Variants in MAP4K2 observed in about 807,000 individuals in gnomAD.
MAP4K2 encodes mitogen-activated protein kinase kinase kinase kinase 2, also known as B lymphocyte serine/threonine protein kinase.
In MAP4K2, 85 loss-of-function variants were observed where a neutral mutation model predicts 125.3. The ratio of observed to expected loss-of-function variants is 0.68; its 90% CI spans 0.57 to 0.81. The LOEUF (loss-of-function observed/expected upper bound fraction) is 0.81, where lower values mean the gene tolerates loss of function less well. Among genes scored for constraint, MAP4K2 ranks in the 40% least tolerant of loss-of-function variants. MAP4K2 has a pLI of 0.00. For missense variants in MAP4K2, 923 were observed against 1,056.4 expected, an observed-to-expected ratio of 0.87 and a Z score of 1.75; for synonymous variants, 479 against 445.1, an observed-to-expected ratio of 1.08 and a Z score of -0.96.
Position 64,792,416 on chromosome 11 carries a change from A to C in MAP4K2, c.1758T>G (p.Phe586Leu). 6.3e-7 allele frequency: 1 copy of C among 1,584,538 alleles called. No individual in the cohort carries two copies. The highest frequency in any genetic ancestry group is 8.6e-7 in the Non-Finnish European group (1 of 1,164,990). Residue 586 changes from phenylalanine (F) to leucine (L), a missense_variant, in exon 25 of 32, where the codon TTT (phenylalanine) becomes TTG (leucine). Phe to Leu is a conservative substitution (Grantham distance 22). This residue lies in a region of MAP4K2 where 833 missense variants were observed against 911.4 expected (regional missense o/e 0.91). Transcript: ENST00000294066. Reference sequence around the variant, plus strand: ...TGTCAGGAATCTTGGTGGACAGAGCAAAGCGCCTGTAGGGGTGATAACCAG... The same window carrying C: ...TGTCAGGAATCTTGGTGGACAGAGCCAAGCGCCTGTAGGGGTGATAACCAG... ...RLTQRIIPRR[F>L]ALSTKIPDTK... is the part of the protein sequence containing the mutation.
chr11:64,802,792 A>C, intron 2 of MAP4K2, 93 bp downstream of exon 2: 1 of 1,484,786 alleles, frequency 6.7e-7, no homozygotes, highest in African/African-American at 1.4e-5. Context: ...CACGCCTCTC[A>C]GGGGTCTCGG....
At position 64,797,003 on chromosome 11, in the gene MAP4K2, G is replaced by T. The variant is rs1297694412; in HGVS notation, c.1386C>A (p.Leu462=). 6.2e-7 allele frequency: 1 copy of T among 1,613,910 alleles called. No individual in the cohort carries two copies. The highest frequency in any genetic ancestry group is 2.2e-5 in the East Asian group (1 of 44,878). Residue 462 remains leucine (L), a synonymous_variant, in exon 20 of 32, where the codon CTC becomes CTA. Coordinates refer to ENST00000294066, the MANE Select transcript of MAP4K2 (RefSeq NM_004579.5). ...TTACATGCACCTTGGGAGTTGGGGG[G>T]AGCCCGTGGCAGGATGACCTCTGGG... ...EDPERSSCHG[L]PPTPKVHMGA...
chr11:64,789,530 G>C lies in MAP4K2; in HGVS notation c.*7C>G. On this transcript the variant is annotated 3_prime_UTR_variant, in exon 32 of 32. Transcript: ENST00000294066. Reference sequence around the variant, plus strand: ...GGGCGGGGAGCCCCTGGACAGGCCCGCTGCTCTTAGTAGGTGCTCTGGTGG... The same window carrying C: ...GGGCGGGGAGCCCCTGGACAGGCCCCCTGCTCTTAGTAGGTGCTCTGGTGG... The C allele has an allele frequency of 6.4e-7, 1 of 1,570,500 alleles. No individual in the cohort carries two copies. The highest frequency in any genetic ancestry group is 8.6e-7 in the Non-Finnish European group (1 of 1,157,210).
At chr11:64,798,719 G>A (rs1177968324) in intron 15 of MAP4K2, 75 bp downstream of exon 15, 4 of 1,534,498 alleles carry the variant, frequency 2.6e-6, no homozygotes, top group Admixed American at 3.4e-5. Flanking sequence ...ACAGGCATGA[G>A]CCACCACGCC....
Position 64,792,251 on chromosome 11 carries a change from G to T in MAP4K2, c.1835C>A (p.Thr612Asn). The T allele has an allele frequency of 6.2e-7, 1 of 1,611,280 alleles. No individual in the cohort carries two copies. Among genetic ancestry groups the T allele is most frequent in the Non-Finnish European group, 8.5e-7 (1 of 1,179,332 alleles). ...RVVRNPYTGA[T>N]FLLAALPTSL... ...GGTGGGCAGGGCGGCCAGCAGGAAG[G>T]TGGCACCCGTGTAGGGGTTCCGCAC... The change falls in exon 26 of 32, where the codon ACC becomes AAC. Residue 612 changes from threonine to asparagine, a missense_variant. Physicochemically the swap from Thr to Asn is moderately conservative, Grantham distance 65 (BLOSUM62 0). This residue lies in a region of MAP4K2 where 833 missense variants were observed against 911.4 expected (regional missense o/e 0.91). Coordinates refer to ENST00000294066, the MANE Select transcript of MAP4K2 (RefSeq NM_004579.5).
At position 64,802,888 on chromosome 11, in the gene MAP4K2, G is replaced by C. The variant is rs1248288211; in HGVS notation, c.151C>G (p.Pro51Ala). Residue 51 changes from proline to alanine, a missense_variant, in exon 2 of 32, where the codon CCA becomes GCA. Physicochemically the swap from Pro to Ala is conservative, Grantham distance 27. This residue lies in a region of MAP4K2 where 833 missense variants were observed against 911.4 expected (regional missense o/e 0.91). Transcript: ENST00000294066. ...LAAVKIVKLD[P>A]GDDISSLQQE... ...GAGGCCCGACCCGGGCCCTCACCTG[G>C]GTCTAGCTTGACTATCTTCACGGCG... 2 of 1,601,548 alleles carry C rather than the reference G, an allele frequency of 1.2e-6. No homozygotes were observed. The highest frequency in any genetic ancestry group is 1.1e-5 in the South Asian group (1 of 89,636).
rs551114623 is a variant in MAP4K2, at chr11:64,799,768, G to A, written c.916-85C>T. 1.3e-4 allele frequency: 144 copies of A among 1,138,086 alleles called. 2 individuals carry two copies. Among genetic ancestry groups the A allele is most frequent in the African/African-American group, 8.4e-4 (55 of 65,480 alleles). The allele number at this position is 1,138,086 out of a possible 1,614,324, so 70.5% of individuals were successfully genotyped here. A position where few individuals can be genotyped will look rare whatever the true frequency, so the allele number is the denominator to read the frequency against. On this transcript the variant is annotated intron_variant, in intron 12 of 31. Coordinates refer to ENST00000294066, the MANE Select transcript of MAP4K2 (RefSeq NM_004579.5). ...CTAGGAGCTTCACACGCACCAGTGC[G>A]TTTTGCTTTCATGACAGCCCTCTGG... is the stretch of plus-strand genomic sequence containing the variant.
In MAP4K2 at chr11:64,789,290, A is replaced by G. The variant is rs1592569558; in HGVS notation, c.*247T>C. ...CAGGCCCAGGGTCCCTGCCTTGGGC[A>G]CTAGGGACTGGGCTGCCTCGGGGAT... On this transcript the variant is annotated 3_prime_UTR_variant, in exon 32 of 32. Coordinates refer to ENST00000294066, the MANE Select transcript of MAP4K2 (RefSeq NM_004579.5). 1.3e-5 allele frequency: 7 copies of G among 549,198 alleles called. No individual in the cohort carries two copies. The East Asian group carries it at 2.2e-4, about 17-fold the overall frequency. 34.0% of individuals were successfully genotyped at this position (549,198 alleles called of 1,614,324 possible). A position where few individuals can be genotyped will look rare whatever the true frequency, so the allele number is the denominator to read the frequency against.
At chr11:64,800,517 G>A (rs1489346876) in intron 10 of MAP4K2, 125 bp from the exon 11 acceptor site, 5 of 1,181,644 alleles carry the variant, frequency 4.2e-6, no homozygotes, top group Non-Finnish European at 3.6e-6. Context: ...GCCAGCCGAG[G>A]CCAAGGGCCA....
At position 64,803,124 on chromosome 11, in the gene MAP4K2, A is replaced by G; in HGVS notation, c.26T>C (p.Leu9Pro). Reference protein sequence around the residue: MALLRDVSLQDPRDRFELL... With the variant: MALLRDVSPQDPRDRFELL... ...CTCGAAGCGGTCCCGCGGGTCCTGC[A>G]GCGACACATCCCGCAGCAGCGCCAT... Residue 9 changes from leucine (L) to proline (P), a missense_variant, in exon 1 of 32, where the codon CTG (leucine) becomes CCG (proline). Physicochemically the swap from Leu to Pro is moderately conservative, Grantham distance 98 (BLOSUM62 -3). Around this residue, in one of 2 missense-constraint regions of MAP4K2, gnomAD observed 833 missense variants for 911.4 expected, o/e 0.91. Transcript: ENST00000294066. 1 of 1,573,560 alleles carries G rather than the reference A, an allele frequency of 6.4e-7. No individual in the cohort carries two copies. The highest frequency in any genetic ancestry group is 8.6e-7 in the Non-Finnish European group (1 of 1,168,768).
chr11:64,793,214 C>T (rs1248624630), intron 24 of MAP4K2, among the ~76,000 whole-genome samples: 1 of 61,156 alleles, frequency 1.6e-5, no homozygotes, highest in African/African-American at 3.7e-5. Flanking sequence ...GAAACTCGGT[C>T]TCAAAAAAAA....
chr11:64,799,924 GA>G (rs941456438), intron 12 of MAP4K2, among the ~76,000 whole-genome samples, 184 bp downstream of exon 12: 7 of 152,202 alleles, frequency 4.6e-5, no homozygotes, highest in African/African-American at 1.7e-4. Context: ...CAAGGGCAGG[GA>G]CCTATCAAGG....
At chr11:64,790,050 C>A in intron 29 of MAP4K2, 91 bp from the exon 30 acceptor site, 1 of 1,553,720 alleles carries the variant, frequency 6.4e-7, no homozygotes, top group Non-Finnish European at 8.8e-7. Context: ...GGGGTCCTCA[C>A]TGACCTCAGG....
chr11:64,802,745 C>T (rs1241261046), intron 2 of MAP4K2, 92 bp from the exon 3 acceptor site: 2 of 1,477,214 alleles, frequency 1.4e-6, no homozygotes, highest in Admixed American at 1.9e-5. Flanking sequence ...TGCCTCCCTC[C>T]GGGCCAGGCA....
intron 1 of MAP4K2, 46 bp from the exon 2 acceptor site, chr11:64,802,988 C>A: frequency 6.4e-7 from 1 of 1,562,342 alleles, no homozygotes; most frequent in South Asian, 1.2e-5. Flanking sequence ...GGGCCGGGGG[C>A]TAGATCCTGC....
At position 64,797,634 on chromosome 11, in the gene MAP4K2, C is replaced by T; in HGVS notation, c.1128G>A (p.Leu376=). 6.3e-7 allele frequency: 1 copy of T among 1,583,374 alleles called. No homozygotes were observed. Among genetic ancestry groups the T allele is most frequent in the Non-Finnish European group, 8.6e-7 (1 of 1,163,858 alleles). The change falls in exon 16 of 32, where the codon CTG becomes CTA. Residue 376 remains leucine (L), a synonymous_variant. Coordinates refer to ENST00000294066, the MANE Select transcript of MAP4K2 (RefSeq NM_004579.5). The stretch of plus-strand genomic sequence containing the variant: ...AGGCCCACATCCCTCACCTTTCCTC[C>T]AGGGCCTCCTGGACCGACTGCAGCA... ...GSLLQSVQEA[L]EERSLTIRSA...
chr11:64,797,631 C>T lies in MAP4K2; in HGVS notation c.1131G>A (p.Glu377=). The change falls in exon 16 of 32, where the codon GAG becomes GAA. Residue 377 remains glutamate (E), a synonymous_variant. Transcript: ENST00000294066. ...CCCAGGCCCACATCCCTCACCTTTC[C>T]TCCAGGGCCTCCTGGACCGACTGCA... ...SLLQSVQEAL[E]ERSLTIRSAS... is the part of the protein sequence containing the mutation. 6.3e-7 allele frequency: 1 copy of T among 1,582,680 alleles called. No individual in the cohort carries two copies. The highest frequency in any genetic ancestry group is 8.6e-7 in the Non-Finnish European group (1 of 1,163,444).
chr11:64,789,838 GAGGT>G (rs778583333), intron 30 of MAP4K2, 47 bp downstream of exon 30: 3 of 1,613,786 alleles, frequency 1.9e-6, no homozygotes, highest in South Asian at 1.1e-5. Flanking sequence ...CCTTTCCAAA[GAGGT>G]AGGGACCACA....
rs569707158 is a variant in MAP4K2, at chr11:64,801,152, C to T, written c.489G>A (p.Ala163=). The change falls in exon 8 of 32, where the codon GCG becomes GCA. Residue 163 remains alanine, a synonymous_variant. Transcript: ENST00000294066. ...TGAAAGACCTCCTCTTGGCCACAGA[C>T]GCTGTCAGCTCGCCTGACACCCCAA... The part of the protein sequence containing the change: ...ADFGVSGELT[A]SVAKRRSFIG... 45 of 1,613,428 alleles carry T rather than the reference C, an allele frequency of 2.8e-5. No individual in the cohort carries two copies. Among genetic ancestry groups the T allele is most frequent in the Middle Eastern group, 3.3e-4 (2 of 6,012 alleles).
Sources: gnomAD v4.1 joint callset for allele counts (sites outside exome capture counted in the v4.1 genomes callset) on GRCh38, gnomAD v4.1.1 for gene constraint, gnomAD v4.1.1 regional missense constraint, MANE v1.5 for transcripts, NCBI Gene and HGNC (gene_info 2026-07-23, HGNC 2026-07-21) for gene names.